The following POLR2F variants were observed in gnomAD, a reference collection of about 807,000 sequenced individuals.
POLR2F encodes RNA polymerase II, I and III subunit F, also known as DNA-directed RNA polymerases I, II, and III subunit RPABC2.
POLR2F carries 12 observed loss-of-function variants against 22.7 expected under a neutral mutation model. The observed-to-expected ratio is 0.53, with a 90% CI of 0.34 to 0.86. The LOEUF is 0.86. POLR2F is among the 40% of genes least tolerant of loss of function. The pLI is 0.02. For missense variants in POLR2F, 126 were observed against 171.5 expected (o/e 0.73, Z 1.48); for synonymous variants, 57 against 66.0 (o/e 0.86, Z 0.66).
chr22:38,041,365 G>T, downstream of POLR2F: 1 of 496,612 alleles, frequency 2.0e-6, no homozygotes, highest in East Asian at 3.2e-5. Flanking sequence ...CAGGCTTGGG[G>T]AGGGACTGTT....
intron 5 of POLR2F, chr22:38,032,424 A>C (rs2085074659): frequency 6.6e-6 from 1 of 152,328 alleles, no homozygotes. Context: ...GGTATCTGAC[A>C]GGGGAAACTG....
Position 37,986,206 on chromosome 22 carries a change from G to A in POLR2F, c.16G>A (p.Gly6Arg). ...AGAGGAGCCGCCCTGGATGGACAGA[G>A]GGACGAGGGACGAGCATCTGCCGTC... The change falls in exon 1 of 3, where the codon GGG becomes AGG. Residue 6 changes from glycine to arginine, a missense_variant. Gly to Arg is a moderately radical substitution (Grantham distance 125). Transcript: ENST00000333418. This position sits in a 1 kb window ranked among gnomAD's most constrained non-coding sequence, Gnocchi z 4.7. 1 of 1,542,202 alleles carries A rather than the reference G, an allele frequency of 6.5e-7. No homozygotes were observed. Among genetic ancestry groups the A allele is most frequent in the East Asian group, 2.4e-5 (1 of 40,948 alleles).
chr22:38,000,343 G>C (rs887666555), intron 1 of POLR2F, among the ~76,000 whole-genome samples: 4 of 152,220 alleles, frequency 2.6e-5, no homozygotes, highest in Admixed American at 2.0e-4. Flanking sequence ...AGTAAACAGA[G>C]TTGGCAGGCT....
At chr22:38,008,637 C>T (rs1341458698) in intron 1 of POLR2F, among the ~76,000 whole-genome samples, 1 of 151,504 alleles carries the variant, frequency 6.6e-6, no homozygotes, top group Non-Finnish European at 1.5e-5. Context: ...TTTGGGAGGC[C>T]GAGGCGGGTG....
Position 37,956,861 on chromosome 22 carries a change from G to T in POLR2F, c.90+19G>T. ...CGAAGAGGTCAGTATTCAGCCTCAG[G>T]CTCCCACCTCTGCAGCCCAAGCTGC... On this transcript the variant is annotated intron_variant, in intron 2 of 4. Transcript: ENST00000442738. The T allele has an allele frequency of 6.3e-7, 1 of 1,595,404 alleles. No individual in the cohort carries two copies. The highest frequency in any genetic ancestry group is 8.6e-7 in the Non-Finnish European group (1 of 1,162,878).
rs1397679984 is a variant in POLR2F, at chr22:37,974,361, T to G, written c.293+7191T>G. On this transcript the variant is annotated intron_variant, in intron 4 of 4. Coordinates refer to the POLR2F transcript ENST00000405557. This position sits in a 1 kb window ranked among gnomAD's most constrained non-coding sequence, Gnocchi z 5.4. ...GCATGAGTCGGGTTTTTTTTTGTTTTTTTTTTTTGAGATGGAGTTTCGCTC... is the reference window on the plus strand; with the variant it reads ...GCATGAGTCGGGTTTTTTTTTGTTTGTTTTTTTTGAGATGGAGTTTCGCTC... Among the ~76,000 whole-genome samples, 1 of 151,632 alleles carries G rather than the reference T, an allele frequency of 6.6e-6. No homozygotes were observed. The highest frequency in any genetic ancestry group is 1.9e-4 in the East Asian group (1 of 5,186).
chr22:37,977,129 C>T (rs1932244203), intron 4 of POLR2F, among the ~76,000 whole-genome samples: 2 of 150,036 alleles, frequency 1.3e-5, no homozygotes, highest in Non-Finnish European at 3.0e-5. Flanking sequence ...GATCATGCCA[C>T]TGCAGTCTAG....
At chr22:38,003,339 G>A (rs1025314525) in intron 1 of POLR2F, among the ~76,000 whole-genome samples, 19 of 151,976 alleles carry the variant, frequency 1.3e-4, no homozygotes, top group African/African-American at 3.6e-4. Flanking sequence ...CGATTCTCCC[G>A]CCTCAGCCTC....
At chr22:38,013,167 A>G (rs192666757) in intron 1 of POLR2F, among the ~76,000 whole-genome samples, 1 of 140,632 alleles carries the variant, frequency 7.1e-6, no homozygotes, top group East Asian at 2.0e-4. Flanking sequence ...TCTTTTTTTC[A>G]TATAGATTCT....
At chr22:37,973,761 C>A, downstream of POLR2F, 2 of 1,596,890 alleles carry the variant, frequency 1.3e-6, no homozygotes, top group Non-Finnish European at 1.7e-6. Flanking sequence ...GAGGTGTAGG[C>A]GATCTGTGAG....
At chr22:37,998,833 A>G (rs1336400956) in intron 1 of POLR2F, among the ~76,000 whole-genome samples, 1 of 151,218 alleles carries the variant, frequency 6.6e-6, no homozygotes, top group African/African-American at 2.4e-5. Context: ...GGAGAGAGAG[A>G]GGGAGAGGAG....
At chr22:37,988,432 C>T (rs1365858472) in intron 1 of POLR2F, 1 of 151,686 alleles carries the variant, frequency 6.6e-6, no homozygotes, top group African/African-American at 2.4e-5. Context: ...GGGCAGATCA[C>T]CTGAGGGCAG....
chr22:37,976,917 T>C (rs1034517717), intron 4 of POLR2F, among the ~76,000 whole-genome samples: 1 of 152,060 alleles, frequency 6.6e-6, no homozygotes, highest in African/African-American at 2.4e-5. Context: ...GAATGGCTGG[T>C]GGGATTTGGG....
At chr22:37,988,898 T>C (rs568208076) in intron 1 of POLR2F, 2 of 154,362 alleles carry the variant, frequency 1.3e-5, no homozygotes, top group East Asian at 3.9e-4. Context: ...CCGGAGAGCT[T>C]TGGGGTGTGG....
rs1426039557 is a variant in POLR2F at position 37,980,413 on chromosome 22, A to G, written c.293+13243A>G. ...CATCAGCAAGAAAGTGACAGGGGCCAGAAGAGAGAGAGGATTCCAACATCG... is the reference window on the plus strand; with the variant it reads ...CATCAGCAAGAAAGTGACAGGGGCCGGAAGAGAGAGAGGATTCCAACATCG... On this transcript the variant is annotated intron_variant, in intron 4 of 4. Transcript: ENST00000405557. This position sits in a 1 kb window ranked among gnomAD's most constrained non-coding sequence, Gnocchi z 4.1. Among the ~76,000 whole-genome samples, 1 of 152,162 alleles carries G rather than the reference A, an allele frequency of 6.6e-6. No homozygotes were observed. The highest frequency in any genetic ancestry group is 6.5e-5 in the Admixed American group (1 of 15,268).
In POLR2F at chr22:37,977,730, G is replaced by T. The variant is rs138370401; in HGVS notation, c.293+10560G>T. On this transcript the variant is annotated intron_variant, in intron 4 of 4. Coordinates refer to the POLR2F transcript ENST00000405557. ...CGGAACCCCCATGGAGCTCCCTCTG[G>T]GCCCCTGCAGCTCTGCTGGGGCAAC... 411 of 935,296 alleles carry T rather than the reference G, an allele frequency of 4.4e-4. 1 individual carries two copies. The highest frequency in any genetic ancestry group is 1.4e-3 in the Middle Eastern group (4 of 2,852). The allele number at this position is 935,296 out of a possible 1,614,324, so 57.9% of individuals were successfully genotyped here. A position where few individuals can be genotyped will look rare whatever the true frequency, so the allele number is the denominator to read the frequency against.
At chr22:38,003,054 G>A (rs962548909) in intron 1 of POLR2F, among the ~76,000 whole-genome samples, 1 of 152,064 alleles carries the variant, frequency 6.6e-6, no homozygotes, top group East Asian at 1.9e-4. Context: ...AAAGGGAGAT[G>A]TGTGAGCAAA....
At chr22:37,982,248 T>C (rs913932168), upstream of POLR2F, among the ~76,000 whole-genome samples, 1 of 152,088 alleles carries the variant, frequency 6.6e-6, no homozygotes, top group Non-Finnish European at 1.5e-5. Context: ...TGGCCCTGGC[T>C]CTGCTACCAA....
downstream of POLR2F, chr22:37,969,440 A>C (rs1239686280): frequency 2.6e-5 from 12 of 457,604 alleles, no homozygotes; most frequent in Non-Finnish European, 2.9e-5. Flanking sequence ...CCTTTGGTCT[A>C]AGGGATGCAC....
Sources: gnomAD v4.1 joint callset for allele counts (sites outside exome capture counted in the v4.1 genomes callset) on GRCh38, gnomAD v4.1.1 for gene constraint, Gnocchi (gnomAD v3.1) non-coding constraint, MANE v1.5 for transcripts, NCBI Gene and HGNC (gene_info 2026-07-23, HGNC 2026-07-21) for gene names.